NFIB: variants seen among roughly 807,000 people sequenced by gnomAD.
The protein encoded by NFIB is nuclear factor 1 B-type.
Under a neutral mutation model 61.5 loss-of-function variants are expected in NFIB, and 11 were observed. That is an observed-to-expected ratio of 0.18 (90% CI 0.11 to 0.30). NFIB has a LOEUF of 0.30. NFIB is among the 10% of genes least tolerant of loss of function. The pLI is 1.00. For synonymous variants in NFIB, 260 were observed against 216.5 expected, an observed-to-expected ratio of 1.20 and a Z score of -1.76; for missense variants, 471 against 608.9, an observed-to-expected ratio of 0.77 and a Z score of 2.38.
At chr9:14,471,890 C>T in the NFIB span, among the ~76,000 whole-genome samples, 1 of 152,184 alleles carries the variant, frequency 6.6e-6, no homozygotes, top group Non-Finnish European at 1.5e-5. Context: ...GTGATTGATC[C>T]ACCTGTGTTA....
intron 1 of NFIB, among the ~76,000 whole-genome samples, chr9:14,384,114 G>A (rs980961229): frequency 6.6e-6 from 1 of 152,154 alleles, no homozygotes; most frequent in Non-Finnish European, 1.5e-5. Flanking sequence ...TTAAATCCTT[G>A]TGTGGTTGGC....
At chr9:14,341,124 G>A in intron 1 of NFIB, among the ~76,000 whole-genome samples, 1 of 152,164 alleles carries the variant, frequency 6.6e-6, no homozygotes, top group East Asian at 1.9e-4. Context: ...GCAAGACAGG[G>A]CTTTGGAAGG....
At chr9:14,210,972 C>G (rs190151180) in intron 2 of NFIB, among the ~76,000 whole-genome samples, 3 of 152,060 alleles carry the variant, frequency 2.0e-5, no homozygotes, top group Non-Finnish European at 4.4e-5. Context: ...AGGTTGAAAC[C>G]GTACTGAATT....
At chr9:14,345,133 G>C (rs568345878) in intron 1 of NFIB, among the ~76,000 whole-genome samples, 14 of 152,268 alleles carry the variant, frequency 9.2e-5, no homozygotes, top group Admixed American at 8.5e-4. Flanking sequence ...GGAAGTGAGC[G>C]TGTTGAAGGG....
intron 1 of NFIB, among the ~76,000 whole-genome samples, chr9:14,378,208 C>T (rs758015710): frequency 6.6e-6 from 1 of 152,200 alleles, no homozygotes. Context: ...GTATTATAAA[C>T]ATTTCATAAA....
At chr9:14,309,478 C>T (rs1418289273) in intron 1 of NFIB, among the ~76,000 whole-genome samples, 1 of 152,184 alleles carries the variant, frequency 6.6e-6, no homozygotes, top group Non-Finnish European at 1.5e-5. Context: ...ATGAGGCATA[C>T]CCAAATGCCA....
intron 2 of NFIB, among the ~76,000 whole-genome samples, chr9:14,302,834 C>G (rs975713758): frequency 3.3e-5 from 5 of 152,254 alleles, no homozygotes; most frequent in African/African-American, 1.2e-4. Context: ...GCCAGACTTC[C>G]TTCTGTGCAG....
chr9:14,508,460 G>C, the NFIB span, among the ~76,000 whole-genome samples: 5 of 152,204 alleles, frequency 3.3e-5, no homozygotes, highest in Non-Finnish European at 7.3e-5. Context: ...TGAGGAGTTA[G>C]TTAAGCCAAT....
At chr9:14,263,356 A>G (rs1165950246) in intron 2 of NFIB, among the ~76,000 whole-genome samples, 1 of 152,138 alleles carries the variant, frequency 6.6e-6, no homozygotes, top group Admixed American at 6.6e-5. Context: ...TTCCCTATGA[A>G]GAAAAACTCT....
the NFIB span, among the ~76,000 whole-genome samples, chr9:14,464,953 A>ATAT: frequency 2.6e-5 from 4 of 152,100 alleles, no homozygotes; most frequent in Admixed American, 6.5e-5. Context: ...TACTCAATAG[A>ATAT]TATTATTATT....
chr9:14,148,153 C>T (rs957298024), intron 5 of NFIB, among the ~76,000 whole-genome samples: 1 of 152,076 alleles, frequency 6.6e-6, no homozygotes, highest in African/African-American at 2.4e-5. Context: ...GACAGGGTCT[C>T]ACTCTGTTGT....
rs547157802 is a variant in NFIB, at chr9:14,127,852, G to C, written c.926-2086C>G. On this transcript the variant is annotated intron_variant, in intron 6 of 10. Coordinates refer to ENST00000380953, the MANE Select transcript of NFIB (RefSeq NM_001190737.2). ...ATGCCAGGCGGATTTGTAGCTGTAA[G>C]CTACAATTTGTGACTAACTGGCTGT... Among the ~76,000 whole-genome samples, 16 of 150,348 alleles carry C rather than the reference G, an allele frequency of 1.1e-4. No homozygotes were observed. In the East Asian group the frequency reaches 2.9e-3, roughly 28 times the overall value.
At chr9:14,286,425 T>C (rs1039952583) in intron 2 of NFIB, among the ~76,000 whole-genome samples, 3 of 152,244 alleles carry the variant, frequency 2.0e-5, no homozygotes, top group Non-Finnish European at 4.4e-5. Context: ...ATGCTTGTTA[T>C]GTATAACTAC....
chr9:14,324,753 C>A lies in NFIB; in HGVS notation c.109-17233G>T, dbSNP rs564991201. On this transcript the variant is annotated intron_variant, in intron 1 of 8. Transcript: ENST00000380934. ...TCATGTTCAGGCTTTCATATATTAT[C>A]TTTTTTTATTTGGATGTCTGTTTCT... Among the ~76,000 whole-genome samples, 4 of 152,048 alleles carry A rather than the reference C, an allele frequency of 2.6e-5. No homozygotes were observed. The South Asian group carries it at 8.3e-4, about 32-fold the overall frequency.
intron 10 of NFIB, among the ~76,000 whole-genome samples, chr9:14,100,544 T>C (rs923712731): frequency 6.6e-6 from 1 of 151,980 alleles, no homozygotes; most frequent in African/African-American, 2.4e-5. Flanking sequence ...CCGTCTCTAC[T>C]AAAAAATACA....
At chr9:14,469,414 G>A in the NFIB span, among the ~76,000 whole-genome samples, 1 of 152,084 alleles carries the variant, frequency 6.6e-6, no homozygotes, top group East Asian at 1.9e-4. Context: ...ACCCATCTCT[G>A]GATTACTGTA....
At chr9:14,151,844 C>A (rs1358536784) in intron 4 of NFIB, among the ~76,000 whole-genome samples, 2 of 152,066 alleles carry the variant, frequency 1.3e-5, no homozygotes, top group Non-Finnish European at 2.9e-5. Flanking sequence ...AATTCTAGAG[C>A]CCCTGAGATG....
At chr9:14,391,458 C>T (rs906294499) in intron 1 of NFIB, among the ~76,000 whole-genome samples, 5 of 62,762 alleles carry the variant, frequency 8.0e-5, no homozygotes, top group Non-Finnish European at 1.7e-4. Flanking sequence ...AGGCAGTCTC[C>T]CAATAGATAG....
At chr9:14,166,113 T>C (rs2044758201) in intron 3 of NFIB, among the ~76,000 whole-genome samples, 1 of 152,248 alleles carries the variant, frequency 6.6e-6, no homozygotes, top group Admixed American at 6.5e-5. Flanking sequence ...TTGACATTTA[T>C]GTCTGTCATC....
Sources: allele counts gnomAD v4.1 joint callset (sites outside exome capture counted in the v4.1 genomes callset), GRCh38; gene constraint gnomAD v4.1.1; transcripts MANE v1.5; gene names NCBI Gene and HGNC (gene_info 2026-07-23, HGNC 2026-07-21).